The following TSEN2 variants were observed in gnomAD, a reference collection of about 807,000 sequenced individuals.
TSEN2 encodes the protein tRNA splicing endonuclease subunit 2, also known as tRNA-splicing endonuclease subunit Sen2.
In TSEN2, 54 loss-of-function variants were observed where a neutral mutation model predicts 59.2. That is an observed-to-expected ratio of 0.91 (90% CI 0.73 to 1.14). The LOEUF (loss-of-function observed/expected upper bound fraction) is 1.14, where lower values mean the gene tolerates loss of function less well. Among genes scored for constraint, TSEN2 ranks in the 50% most tolerant of loss-of-function variants. The probability of loss-of-function intolerance (pLI) is 0.00; values close to 1 mark genes in which losing one functional copy is unlikely to be tolerated. For missense variants in TSEN2, 636 were observed against 576.2 expected, an observed-to-expected ratio of 1.10 and a Z score of -1.06; for synonymous variants, 195 against 198.2, an observed-to-expected ratio of 0.98 and a Z score of 0.14.
chr3:12,497,685 C>T (rs1218786958), intron 4 of TSEN2, among the ~76,000 whole-genome samples: 1 of 152,200 alleles, frequency 6.6e-6, no homozygotes, highest in Non-Finnish European at 1.5e-5. Context: ...AGCCAGCCTG[C>T]CAGCGTAGAG....
intron 6 of TSEN2, among the ~76,000 whole-genome samples, chr3:12,506,007 G>A (rs1429698390): frequency 6.6e-6 from 1 of 152,128 alleles, no homozygotes; most frequent in East Asian, 1.9e-4. Flanking sequence ...GTTAACAGAT[G>A]CTGACTGGTG....
At position 12,489,838 on chromosome 3, in the gene TSEN2, G is replaced by A; in HGVS notation, c.38G>A (p.Arg13Lys). 2 of 1,614,034 alleles carry A rather than the reference G, an allele frequency of 1.2e-6. No individual in the cohort carries two copies. The highest frequency in any genetic ancestry group is 1.7e-6 in the Non-Finnish European group (2 of 1,180,042). ...GTTTTCCATGCCCCAAAGAGGAAAA[G>A]AAGAGTGTATGAGACTTACGAGTCT... ...EAVFHAPKRK[R>K]RVYETYESPL... Residue 13 changes from arginine to lysine, a missense_variant, in exon 2 of 12, where the codon AGA becomes AAA. Physicochemically the swap from Arg to Lys is conservative, Grantham distance 26. Transcript: ENST00000284995.
At chr3:12,531,967 C>T (rs1205465085) in intron 11 of TSEN2, among the ~76,000 whole-genome samples, 1 of 152,210 alleles carries the variant, frequency 6.6e-6, no homozygotes, top group Non-Finnish European at 1.5e-5. Flanking sequence ...AGGTCTCATT[C>T]CCAGAGACCA....
chr3:12,497,749 A>G (rs910604377), intron 4 of TSEN2, among the ~76,000 whole-genome samples: 5 of 152,214 alleles, frequency 3.3e-5, no homozygotes, highest in African/African-American at 9.7e-5. Context: ...TAGGAGCACT[A>G]CAGTATCCCA....
chr3:12,485,592 C>A (rs925924422), intron 1 of TSEN2, among the ~76,000 whole-genome samples: 1 of 152,140 alleles, frequency 6.6e-6, no homozygotes, highest in East Asian at 1.9e-4. Flanking sequence ...TCAGCTGGGT[C>A]CACCCAGGAA....
chr3:12,506,143 T>G (rs1179143391), intron 6 of TSEN2, among the ~76,000 whole-genome samples: 3 of 144,880 alleles, frequency 2.1e-5, no homozygotes, highest in Non-Finnish European at 4.4e-5. Context: ...TTTATCCACT[T>G]AAAGAGTACA....
At chr3:12,482,155 CTT>C (rs1448163458), upstream of TSEN2, among the ~76,000 whole-genome samples, 3 of 152,166 alleles carry the variant, frequency 2.0e-5, no homozygotes, top group Non-Finnish European at 4.4e-5. Flanking sequence ...AGTTTTTACT[CTT>C]GTTGCCTAGG....
chr3:12,507,475 A>G (rs2054965030), intron 6 of TSEN2, among the ~76,000 whole-genome samples: 1 of 152,242 alleles, frequency 6.6e-6, no homozygotes. Context: ...TTGGGTCAGG[A>G]CAGTACCTGA....
At chr3:12,497,963 C>T (rs146964878) in intron 4 of TSEN2, among the ~76,000 whole-genome samples, 3 of 152,266 alleles carry the variant, frequency 2.0e-5, no homozygotes, top group African/African-American at 4.8e-5. Context: ...GCTCCTGGCA[C>T]CCCTTGGCAT....
chr3:12,508,645 A>G (rs2055091366), intron 6 of TSEN2, among the ~76,000 whole-genome samples: 1 of 152,212 alleles, frequency 6.6e-6, no homozygotes. Flanking sequence ...AGATGTGGAC[A>G]TGCGGCCTTG....
intron 1 of TSEN2, among the ~76,000 whole-genome samples, chr3:12,489,297 G>A (rs1224283118): frequency 1.3e-5 from 2 of 150,422 alleles, no homozygotes; most frequent in Admixed American, 1.3e-4. Flanking sequence ...TGTTTAGTGT[G>A]TATTGTAAGA....
At chr3:12,480,802 G>C (rs2052184280), upstream of TSEN2, among the ~76,000 whole-genome samples, 1 of 152,032 alleles carries the variant, frequency 6.6e-6, no homozygotes, top group Non-Finnish European at 1.5e-5. Flanking sequence ...CCAGAGTTCT[G>C]GGATTACAGG....
intron 8 of TSEN2, among the ~76,000 whole-genome samples, chr3:12,527,374 G>A (rs1361491872): frequency 6.6e-6 from 1 of 151,534 alleles, no homozygotes; most frequent in Admixed American, 6.6e-5. Flanking sequence ...TTAGTTACAG[G>A]ATTGATGTGT....
intron 6 of TSEN2, chr3:12,511,318 A>G (rs549008230): frequency 1.1e-4 from 16 of 152,334 alleles, no homozygotes; most frequent in African/African-American, 3.6e-4. Flanking sequence ...TTAAAACAAT[A>G]TAGTCTTGGT....
intron 6 of TSEN2, among the ~76,000 whole-genome samples, chr3:12,514,284 G>A (rs1489244967): frequency 2.0e-5 from 3 of 152,222 alleles, no homozygotes; most frequent in African/African-American, 7.2e-5. Context: ...GGGGACAGAA[G>A]TGCAGCCAGG....
intron 6 of TSEN2, chr3:12,511,347 G>A (rs1399036211): frequency 6.6e-6 from 1 of 152,048 alleles, no homozygotes; most frequent in Non-Finnish European, 1.5e-5. Context: ...GGAAAGATTG[G>A]GCCACAGTCT....
chr3:12,480,533 T>TTTG (rs1553565220), upstream of TSEN2, among the ~76,000 whole-genome samples: 2 of 140,304 alleles, frequency 1.4e-5, no homozygotes, highest in African/African-American at 5.4e-5. Context: ...TCTTTGTTTT[T>TTTG]TTTTTTTTTT....
intron 6 of TSEN2, among the ~76,000 whole-genome samples, chr3:12,515,259 G>C (rs975894875): frequency 2.0e-5 from 3 of 152,192 alleles, no homozygotes; most frequent in African/African-American, 7.2e-5. Flanking sequence ...CGGGTTAGTG[G>C]TGGGGTGGAA....
chr3:12,532,161 T>C (rs1159945666), intron 11 of TSEN2, among the ~76,000 whole-genome samples: 1 of 152,226 alleles, frequency 6.6e-6, no homozygotes, highest in Non-Finnish European at 1.5e-5. Context: ...ACATCCAGTA[T>C]GTCTTTGTTG....
Sources: gnomAD v4.1 joint callset for allele counts (sites outside exome capture counted in the v4.1 genomes callset) on GRCh38, gnomAD v4.1.1 for gene constraint, MANE v1.5 for transcripts, NCBI Gene and HGNC (gene_info 2026-07-23, HGNC 2026-07-21) for gene names.